The following RMDN1 variants were observed in gnomAD, a reference collection of about 807,000 sequenced individuals.
The protein encoded by RMDN1 is regulator of microtubule dynamics 1, also known as regulator of microtubule dynamics protein 1.
Under a neutral mutation model 48.9 loss-of-function variants are expected in RMDN1, and 48 were observed. The ratio of observed to expected loss-of-function variants is 0.98; its 90% CI spans 0.78 to 1.25. RMDN1 has a LOEUF of 1.25. Ranked by LOEUF, RMDN1 falls within the 50% of genes most tolerant of loss-of-function variation. The probability of loss-of-function intolerance (pLI) is 0.00; values close to 1 mark genes in which losing one functional copy is unlikely to be tolerated. For synonymous variants in RMDN1, 148 were observed against 132.6 expected, an observed-to-expected ratio of 1.12 and a Z score of -0.80; for missense variants, 418 against 373.4, an observed-to-expected ratio of 1.12 and a Z score of -0.98.
At chr8:86,474,998 C>T (rs752471406) in intron 8 of RMDN1, 45 bp from the exon 9 acceptor site, 7 of 1,511,038 alleles carry the variant, frequency 4.6e-6, no homozygotes, top group South Asian at 1.4e-5. Flanking sequence ...AACAGTGTTG[C>T]TTTTATTTTT....
rs1273855824 is a variant in RMDN1, at chr8:86,474,314, C to T, written c.939G>A (p.Lys313=). The T allele has an allele frequency of 1.3e-6, 2 of 1,598,864 alleles. No homozygotes were observed. Among genetic ancestry groups the T allele is most frequent in the African/African-American group, 1.3e-5 (1 of 74,804 alleles). The stretch of plus-strand genomic sequence containing the variant: ...AATCTTCTCTGAAAAGTTCTCAATT[C>T]TTCTCACTGAAACTTGTAAGCAACT... ...AAQLLTSFSE[K]N is the part of the protein sequence containing the mutation. The change falls in exon 10 of 10, where the codon AAG becomes AAA. Residue 313 remains lysine (K), a synonymous_variant. Coordinates refer to ENST00000406452, the MANE Select transcript of RMDN1 (RefSeq NM_016033.3).
downstream of RMDN1, chr8:86,470,120 T>C: frequency 1.6e-6 from 2 of 1,251,054 alleles, no homozygotes; most frequent in Non-Finnish European, 1.0e-6. Flanking sequence ...ATCAGTATTC[T>C]ACTCATATCC....
Position 86,472,626 on chromosome 8 carries a change from T to C in RMDN1, c.*1682A>G, listed in dbSNP as rs1261317443. On this transcript the variant is annotated 3_prime_UTR_variant, in exon 10 of 10. Transcript: ENST00000406452. ...CTGTTGCCTAGCTACCCTGACCACATTATTTTTTCACTGTATCAGTGGTGT... is the reference window on the plus strand; with the variant it reads ...CTGTTGCCTAGCTACCCTGACCACACTATTTTTTCACTGTATCAGTGGTGT... The C allele has an allele frequency of 4.8e-5, 29 of 601,500 alleles. No individual in the cohort carries two copies. Among genetic ancestry groups the C allele is most frequent in the Non-Finnish European group, 8.5e-5 (29 of 340,950 alleles). The allele number at this position is 601,500 out of a possible 1,614,324, so 37.3% of individuals were successfully genotyped here.
chr8:86,513,978 C>A (rs767756156), intron 1 of RMDN1, among the ~76,000 whole-genome samples: 8 of 151,872 alleles, frequency 5.3e-5, no homozygotes, highest in Non-Finnish European at 8.8e-5. Flanking sequence ...TAGCTAGGAC[C>A]ACAGTCGCGT....
chr8:86,476,031 A>G (rs1813317840), intron 8 of RMDN1, among the ~76,000 whole-genome samples: 1 of 152,160 alleles, frequency 6.6e-6, no homozygotes, highest in South Asian at 2.1e-4. Flanking sequence ...GAAAAATAAA[A>G]GATACTAAGG....
At chr8:86,508,396 C>T (rs1819742261) in intron 1 of RMDN1, 96 bp downstream of exon 1, 18 of 1,358,976 alleles carry the variant, frequency 1.3e-5, no homozygotes, top group Non-Finnish European at 1.7e-5. Flanking sequence ...TCACCACATT[C>T]CTTAGGCAGC....
In RMDN1 at chr8:86,486,537, C is replaced by T. The variant is rs758342855; in HGVS notation, c.442G>A (p.Glu148Lys). The change falls in exon 4 of 10, where the codon GAG (glutamate) becomes AAG (lysine). Residue 148 changes from glutamate to lysine, a missense_variant. By Grantham distance (56) the Glu-to-Lys change is moderately conservative. Transcript: ENST00000406452. ...TTTTCTAGTGCTCTTTTTGCATACTCTAGGGCTTCATACACCAATAGCTTT... is the reference window on the plus strand; with the variant it reads ...TTTTCTAGTGCTCTTTTTGCATACTTTAGGGCTTCATACACCAATAGCTTT... ...EKKLLVYEAL[E>K]YAKRALEKNE... 5.0e-6 allele frequency: 8 copies of T among 1,612,034 alleles called. No homozygotes were observed. In the South Asian group the frequency reaches 8.8e-5, roughly 18 times the overall value.
rs1489303599 is a variant in RMDN1 at position 86,473,433 on chromosome 8, C to CTGA, written c.*872_*874dup. 6 of 985,264 alleles carry CTGA rather than the reference C, an allele frequency of 6.1e-6. No homozygotes were observed. In the African/African-American group the frequency reaches 1.0e-4, roughly 17 times the overall value. The allele number at this position is 985,264 out of a possible 1,614,324, so 61.0% of individuals were successfully genotyped here. ...TCCATTAGGGAATAGAACTTTGCAT[C>CTGA]TGATGACAAATTCAGTTTACCATGA... is the stretch of plus-strand genomic sequence containing the variant. On this transcript the variant is annotated 3_prime_UTR_variant, in exon 10 of 10. Transcript: ENST00000406452.
chr8:86,473,916 A>C lies in RMDN1; in HGVS notation c.*392T>G. 1.0e-6 allele frequency: 1 copy of C among 1,003,544 alleles called. No homozygotes were observed. Among genetic ancestry groups the C allele is most frequent in the South Asian group, 4.4e-5 (1 of 22,838 alleles). 62.2% of individuals were successfully genotyped at this position (1,003,544 alleles called of 1,614,324 possible). ...ACTGTCACCACACCTTCTCTTCAAG[A>C]TTTCAACTTAGAATCAATCCAATTT... On this transcript the variant is annotated 3_prime_UTR_variant, in exon 10 of 10. Transcript: ENST00000406452.
chr8:86,503,614 C>A, intron 2 of RMDN1: 1 of 491,804 alleles, frequency 2.0e-6, no homozygotes, highest in South Asian at 1.6e-5. Context: ...TGATCGTTGC[C>A]ATTACAGTTG....
chr8:86,505,471 C>G (rs35592191), intron 2 of RMDN1: 122,372 of 407,408 alleles, frequency 0.3, 21,880 homozygotes, highest in Admixed American at 0.55. Flanking sequence ...GGAAGGCAGA[C>G]GGGGTTTATG....
At chr8:86,480,210 A>C in intron 6 of RMDN1, 67 bp downstream of exon 6, 1 of 742,436 alleles carries the variant, frequency 1.3e-6, no homozygotes, top group Non-Finnish European at 2.1e-6. Context: ...ATGCAAAAGA[A>C]GATATTTATA....
chr8:86,482,038 T>C, intron 5 of RMDN1: 1 of 702,348 alleles, frequency 1.4e-6, no homozygotes, highest in Admixed American at 2.3e-5. Flanking sequence ...GCATCGTAAA[T>C]GCTAATCACT....
At chr8:86,497,951 C>G (rs923742829) in intron 2 of RMDN1, among the ~76,000 whole-genome samples, 1 of 151,818 alleles carries the variant, frequency 6.6e-6, no homozygotes, top group East Asian at 1.9e-4. Context: ...AAAAAATTAG[C>G]GAGGTGTGGT....
At chr8:86,511,962 C>G (rs1037618378), upstream of RMDN1, among the ~76,000 whole-genome samples, 1 of 152,044 alleles carries the variant, frequency 6.6e-6, no homozygotes, top group Admixed American at 6.5e-5. Context: ...TTTTAACATG[C>G]ATTTAACTCT....
Position 86,477,304 on chromosome 8 carries a change from C to A in RMDN1, c.750G>T (p.Arg250Ser). ...TYEKALGYFH[R>S]AEQVDPNFYS... ...TCAAAAATACCTTACCTTGTTCTGC[C>A]CTGTGAAAGTAGCCTAAGGCCTGTC... is the stretch of plus-strand genomic sequence containing the variant. Residue 250 changes from arginine (R) to serine (S), a missense_variant, in exon 8 of 10, where the codon AGG becomes AGT. Coordinates refer to ENST00000406452, the MANE Select transcript of RMDN1 (RefSeq NM_016033.3). The A allele has an allele frequency of 6.2e-7, 1 of 1,600,992 alleles. No homozygotes were observed. The highest frequency in any genetic ancestry group is 8.5e-7 in the Non-Finnish European group (1 of 1,173,564).
chr8:86,473,459 GACTAC>G lies in RMDN1; in HGVS notation c.*844_*848del. 1 of 985,238 alleles carries G rather than the reference GACTAC, an allele frequency of 1.0e-6. No homozygotes were observed. The highest frequency in any genetic ancestry group is 1.1e-4 in the East Asian group (1 of 8,774). The allele number at this position is 985,238 out of a possible 1,614,324, so 61.0% of individuals were successfully genotyped here. ...TGATGACAAATTCAGTTTACCATGA[GACTAC>G]ACCACATTTAAAGTAAACTGGCCAG... On this transcript the variant is annotated 3_prime_UTR_variant, in exon 10 of 10. Coordinates refer to ENST00000406452, the MANE Select transcript of RMDN1 (RefSeq NM_016033.3).
At chr8:86,485,108 T>C in intron 4 of RMDN1, 147 bp from the exon 5 acceptor site, 1 of 522,580 alleles carries the variant, frequency 1.9e-6, no homozygotes, top group East Asian at 3.3e-5. Context: ...ATGGAATATA[T>C]AAAGAGAAGT....
At chr8:86,468,276 G>C (rs989788176), downstream of RMDN1, 11 of 395,158 alleles carry the variant, frequency 2.8e-5, no homozygotes, top group Non-Finnish European at 5.4e-5. Context: ...TTATTGTTTT[G>C]CCAAAATTTT....
Sources: gnomAD v4.1 joint callset for allele counts (sites outside exome capture counted in the v4.1 genomes callset) on GRCh38, gnomAD v4.1.1 for gene constraint, MANE v1.5 for transcripts, NCBI Gene and HGNC (gene_info 2026-07-23, HGNC 2026-07-21) for gene names.